TRAIP: variants seen among roughly 807,000 people sequenced by gnomAD.
The protein encoded by TRAIP is E3 ubiquitin-protein ligase TRAIP.
TRAIP carries 37 observed loss-of-function variants against 65.0 expected under a neutral mutation model. The observed-to-expected ratio is 0.57, with a 90% CI of 0.44 to 0.75. The LOEUF (loss-of-function observed/expected upper bound fraction) is 0.75, where lower values mean the gene tolerates loss of function less well. Among genes scored for constraint, TRAIP ranks in the 30% least tolerant of loss-of-function variants. The pLI is 0.00. For missense variants in TRAIP, 481 were observed against 579.4 expected, an observed-to-expected ratio of 0.83 and a Z score of 1.74; for synonymous variants, 187 against 219.1, an observed-to-expected ratio of 0.85 and a Z score of 1.29.
intron 1 of TRAIP, among the ~76,000 whole-genome samples, chr3:49,851,457 T>A (rs116175434): frequency 0.012 from 1,776 of 152,292 alleles, 39 homozygotes; most frequent in African/African-American, 0.04. Flanking sequence ...AGCACAATCA[T>A]GAGTCACTGC....
At chr3:49,850,171 A>T (rs1051022610) in intron 1 of TRAIP, among the ~76,000 whole-genome samples, 17 of 147,254 alleles carry the variant, frequency 1.2e-4, no homozygotes, top group Non-Finnish European at 4.5e-5. Flanking sequence ...GCCAGATACA[A>T]AAAGTTATAT....
rs113514685 is a variant in TRAIP, at chr3:49,832,491, G to GAAAAA, written c.885-424_885-423insTTTTT. Among the ~76,000 whole-genome samples the GAAAAA allele has an allele frequency of 2.2e-5, 3 of 133,990 alleles. 1 individual carries two copies. The highest frequency in any genetic ancestry group is 4.7e-5 in the Non-Finnish European group (3 of 63,662). The allele number at this position is 133,990 out of a possible 152,430, so 87.9% of individuals were successfully genotyped here. On this transcript the variant is annotated intron_variant, in intron 10 of 14. Transcript: ENST00000331456. ...GGCGACAGAGCAAGACTCCGTCTCA[G>GAAAAA]GAAAAAAAAAAAAAAAAGTTTAAAT...
chr3:49,833,503 G>A (rs1350700723), intron 10 of TRAIP, among the ~76,000 whole-genome samples: 4 of 147,498 alleles, frequency 2.7e-5, no homozygotes, highest in Non-Finnish European at 4.5e-5. Flanking sequence ...TTTTTGAGAC[G>A]GAATCTTGCT....
intron 1 of TRAIP, among the ~76,000 whole-genome samples, chr3:49,848,665 T>A (rs2081905390): frequency 6.6e-6 from 1 of 152,066 alleles, no homozygotes; most frequent in Admixed American, 6.6e-5. Context: ...GTGACTACAG[T>A]CAACAATAAT....
At chr3:49,835,432 T>C (rs142296427) in intron 10 of TRAIP, among the ~76,000 whole-genome samples, 1 of 151,898 alleles carries the variant, frequency 6.6e-6, no homozygotes, top group African/African-American at 2.4e-5. Context: ...GAAAGGGGAG[T>C]TATTGTTTAA....
intron 3 of TRAIP, among the ~76,000 whole-genome samples, chr3:49,845,533 G>T (rs1283267831): frequency 1.3e-5 from 2 of 152,228 alleles, no homozygotes; most frequent in African/African-American, 4.8e-5. Flanking sequence ...CTAGGACTCT[G>T]GGGGCAAGAG....
Position 49,829,612 on chromosome 3 carries a change from C to G in TRAIP, c.1236+5G>C. On this transcript the variant is annotated splice_donor_5th_base_variant and intron_variant, in intron 13 of 14. Transcript: ENST00000331456. ...GCTCCTGCCACTGTGGGAAGCCACA[C>G]TCACCACATCTTTGCTGCAAGAGGA... 6.2e-7 allele frequency: 1 copy of G among 1,614,210 alleles called. No individual in the cohort carries two copies. Among genetic ancestry groups the G allele is most frequent in the South Asian group, 1.1e-5 (1 of 91,088 alleles).
intron 3 of TRAIP, among the ~76,000 whole-genome samples, chr3:49,846,880 A>T (rs913218239): frequency 2.7e-4 from 41 of 151,918 alleles, no homozygotes; most frequent in Middle Eastern, 3.4e-3. Flanking sequence ...CTCTATAAAA[A>T]TTTTTTTTTA....
At chr3:49,839,005 A>G (rs1343675230) in intron 10 of TRAIP, among the ~76,000 whole-genome samples, 2 of 151,682 alleles carry the variant, frequency 1.3e-5, no homozygotes, top group Non-Finnish European at 2.9e-5. Flanking sequence ...CCTGGCCAAC[A>G]TGGTGAAACC....
chr3:49,845,102 T>C (rs1003686371), intron 3 of TRAIP, among the ~76,000 whole-genome samples: 1 of 152,208 alleles, frequency 6.6e-6, no homozygotes, highest in African/African-American at 2.4e-5. Flanking sequence ...TAGTATCCAA[T>C]GGAGGTAGCT....
chr3:49,855,655 G>T (rs1025905805), intron 1 of TRAIP, among the ~76,000 whole-genome samples: 1 of 152,148 alleles, frequency 6.6e-6, no homozygotes, highest in African/African-American at 2.4e-5. Flanking sequence ...TCAGTGTCAT[G>T]CCTGCCTTTC....
intron 11 of TRAIP, among the ~76,000 whole-genome samples, chr3:49,830,737 G>C (rs1027958294): frequency 1.3e-5 from 2 of 152,192 alleles, no homozygotes; most frequent in Non-Finnish European, 2.9e-5. Context: ...ATTTTCCCTG[G>C]TGGGTGAGAA....
chr3:49,831,936 T>G lies in TRAIP; in HGVS notation c.1017A>C (p.Lys339Asn), dbSNP rs1332183480. Residue 339 changes from lysine to asparagine, a missense_variant, in exon 11 of 15, where the codon AAA (lysine) becomes AAC (asparagine). Coordinates refer to ENST00000331456, the MANE Select transcript of TRAIP (RefSeq NM_005879.3). ...CTCACTGTGACTTCTCTAGGCAAAG[T>G]TTTTCGTAGTAACCATGCTGGGAGC... Reference protein sequence around the residue: ...PSSSQHGYYEKLCLEKSHSPI... With the variant: ...PSSSQHGYYENLCLEKSHSPI... 1.3e-6 allele frequency: 2 copies of G among 1,589,604 alleles called. No individual in the cohort carries two copies. The highest frequency in any genetic ancestry group is 2.7e-5 in the African/African-American group (2 of 73,678).
At chr3:49,841,738 T>C in intron 7 of TRAIP, 88 bp downstream of exon 7, 9 of 1,053,174 alleles carry the variant, frequency 8.5e-6, no homozygotes, top group Non-Finnish European at 1.3e-5. Flanking sequence ...CTTAGTTCCA[T>C]CTGCTTTACA....
At chr3:49,837,191 T>C (rs2108313407) in intron 10 of TRAIP, among the ~76,000 whole-genome samples, 1 of 152,244 alleles carries the variant, frequency 6.6e-6, no homozygotes, top group East Asian at 1.9e-4. Flanking sequence ...CTTGTAGTTC[T>C]GAGGGTCTTG....
At chr3:49,831,779 TG>T in intron 11 of TRAIP, 136 bp downstream of exon 11, 1 of 990,736 alleles carries the variant, frequency 1.0e-6, no homozygotes, top group Admixed American at 3.4e-5. Flanking sequence ...AAGAGGTAGC[TG>T]GAACCAAAGC....
intron 10 of TRAIP, among the ~76,000 whole-genome samples, chr3:49,838,230 T>C (rs1295698451): frequency 6.6e-6 from 1 of 152,188 alleles, no homozygotes; most frequent in Non-Finnish European, 1.5e-5. Context: ...GTCATCCTCA[T>C]GTGGCTTGAT....
chr3:49,842,067 G>A (rs2081844236), intron 6 of TRAIP, 128 bp from the exon 7 acceptor site: 1 of 736,838 alleles, frequency 1.4e-6, no homozygotes, highest in South Asian at 1.7e-5. Flanking sequence ...GCTTTAGTAG[G>A]TGGGTGTGCC....
intron 1 of TRAIP, among the ~76,000 whole-genome samples, chr3:49,855,105 CTTTTTAATATACAAAAAAAGAAA>C (rs2081960327): frequency 6.6e-6 from 1 of 151,976 alleles, no homozygotes; most frequent in African/African-American, 2.4e-5. Context: ...AGCTAAAGTA[CTTTTTAATATACAAAAAAAGAAA>C]TAAATGCTGT....
Sources: gnomAD v4.1 joint callset for allele counts (sites outside exome capture counted in the v4.1 genomes callset) on GRCh38, gnomAD v4.1.1 for gene constraint, MANE v1.5 for transcripts, NCBI Gene and HGNC (gene_info 2026-07-23, HGNC 2026-07-21) for gene names.